The following COL25A1 variants were observed in gnomAD, a reference collection of about 807,000 sequenced individuals.
The protein encoded by COL25A1 is collagen alpha-1(XXV) chain.
In COL25A1, 103 loss-of-function variants were observed where a neutral mutation model predicts 128.4. The ratio of observed to expected loss-of-function variants is 0.80; its 90% CI spans 0.68 to 0.94. COL25A1 has a LOEUF of 0.94. COL25A1 is among the 40% of genes least tolerant of loss of function. COL25A1 has a pLI of 0.00. For synonymous variants in COL25A1, 279 were observed against 277.2 expected, an observed-to-expected ratio of 1.01 and a Z score of -0.06; for missense variants, 745 against 840.0, an observed-to-expected ratio of 0.89 and a Z score of 1.40.
rs564840932 is a variant in COL25A1, at chr4:108,975,001, T to C, written c.439-442A>G. On this transcript the variant is annotated intron_variant, in intron 6 of 37. Coordinates refer to ENST00000399132, the MANE Select transcript of COL25A1 (RefSeq NM_198721.4). ...TAAAATCATAGAGTCCGGCCTCTTT[T>C]GCTTAATTAGTATGAAATTCATCCA... Among the ~76,000 whole-genome samples the C allele has an allele frequency of 5.9e-5, 9 of 152,358 alleles. No homozygotes were observed. The East Asian group carries it at 1.7e-3, about 29-fold the overall frequency.
intron 3 of COL25A1, among the ~76,000 whole-genome samples, chr4:109,108,458 CTT>C (rs1766666998): frequency 6.6e-6 from 1 of 152,038 alleles, no homozygotes; most frequent in African/African-American, 2.4e-5. Flanking sequence ...GGTTCCAAGT[CTT>C]TGCTATTGTG....
chr4:109,005,587 A>G (rs191378593), intron 6 of COL25A1, among the ~76,000 whole-genome samples: 1 of 152,338 alleles, frequency 6.6e-6, no homozygotes, highest in East Asian at 1.9e-4. Flanking sequence ...TCCCCATAGT[A>G]TAATAGAAGT....
Position 109,085,924 on chromosome 4 carries a change from T to A in COL25A1, c.368-35745A>T, listed in dbSNP as rs549860102. On this transcript the variant is annotated intron_variant, in intron 3 of 37. Coordinates refer to ENST00000399132, the MANE Select transcript of COL25A1 (RefSeq NM_198721.4). ...TATTTTATAAGGATGAGGTAGAAGT[T>A]ACTATAAAGTTTACTAAATCCAAAG... Among the ~76,000 whole-genome samples, 29 of 152,356 alleles carry A rather than the reference T, an allele frequency of 1.9e-4. No homozygotes were observed. In the South Asian group the frequency reaches 5.8e-3, roughly 30 times the overall value.
chr4:109,146,567 T>C (rs1560768721), intron 3 of COL25A1, among the ~76,000 whole-genome samples: 3 of 152,206 alleles, frequency 2.0e-5, no homozygotes, highest in African/African-American at 4.8e-5. Context: ...AATTTGCCAA[T>C]TAGAACTTCC....
intron 6 of COL25A1, among the ~76,000 whole-genome samples, chr4:109,003,523 G>A (rs1047153113): frequency 7.2e-5 from 11 of 152,168 alleles, no homozygotes; most frequent in Non-Finnish European, 7.3e-5. Context: ...ATAAAAGGCC[G>A]GGCATGGTGG....
chr4:108,890,940 C>T (rs1384483243), intron 16 of COL25A1, among the ~76,000 whole-genome samples: 1 of 152,212 alleles, frequency 6.6e-6, no homozygotes, highest in Non-Finnish European at 1.5e-5. Flanking sequence ...GCCCCTCATG[C>T]ACACATCTTA....
In COL25A1 at chr4:108,913,261, C is replaced by CTTTTTTTTTTTTTTTTTTTT. The variant is rs201929872; in HGVS notation, c.780+4891_780+4910dup. Among the ~76,000 whole-genome samples the CTTTTTTTTTTTTTTTTTTTT allele has an allele frequency of 3.2e-5, 3 of 92,394 alleles. 1 individual carries two copies. Among genetic ancestry groups the CTTTTTTTTTTTTTTTTTTTT allele is most frequent in the East Asian group, 1.3e-3 (2 of 1,500 alleles). 60.6% of individuals were successfully genotyped at this position (92,394 alleles called of 152,430 possible). Reference sequence around the variant, plus strand: ...TTTGTGTGGTCTCTGTCTCTAGCTCCTTTTTTTTTTTTTTTTTTTTTTAAG... The same window carrying CTTTTTTTTTTTTTTTTTTTT: ...TTTGTGTGGTCTCTGTCTCTAGCTCCTTTTTTTTTTTTTTTTTTTTTTTTTTTTTTTTTTTTTTTTTTAAG... On this transcript the variant is annotated intron_variant, in intron 13 of 37. Coordinates refer to ENST00000399132, the MANE Select transcript of COL25A1 (RefSeq NM_198721.4).
chr4:108,835,607 T>G (rs1733683671), intron 31 of COL25A1, among the ~76,000 whole-genome samples: 1 of 152,088 alleles, frequency 6.6e-6, no homozygotes, highest in Non-Finnish European at 1.5e-5. Context: ...CAGGCTGAAG[T>G]GCAATGGCAC....
At chr4:109,128,583 G>A (rs1768862152) in intron 3 of COL25A1, among the ~76,000 whole-genome samples, 1 of 152,172 alleles carries the variant, frequency 6.6e-6, no homozygotes, top group Non-Finnish European at 1.5e-5. Context: ...ACATCAGGGA[G>A]TTCGGGTCTT....
At chr4:108,851,434 G>A (rs372173215) in intron 26 of COL25A1, among the ~76,000 whole-genome samples, 20 of 152,160 alleles carry the variant, frequency 1.3e-4, no homozygotes, top group Admixed American at 1.3e-4. Context: ...AAGCTGATAC[G>A]TGTGAGTGTG....
intron 3 of COL25A1, among the ~76,000 whole-genome samples, chr4:109,218,008 G>C (rs1045512481): frequency 6.6e-6 from 1 of 152,150 alleles, no homozygotes; most frequent in Non-Finnish European, 1.5e-5. Context: ...AGTGGAGCCA[G>C]GTTTGTGCTG....
intron 5 of COL25A1, among the ~76,000 whole-genome samples, chr4:109,047,537 C>T (rs144447280): frequency 3.4e-4 from 51 of 152,040 alleles, no homozygotes; most frequent in Non-Finnish European, 6.2e-4. Flanking sequence ...GTATACTGCT[C>T]AGGTGATGGG....
At chr4:109,064,380 A>G (rs1762235860) in intron 3 of COL25A1, among the ~76,000 whole-genome samples, 2 of 152,230 alleles carry the variant, frequency 1.3e-5, no homozygotes, top group Admixed American at 1.3e-4. Context: ...ATGCAAGTTT[A>G]GTTTTGTAGA....
intron 6 of COL25A1, among the ~76,000 whole-genome samples, chr4:108,993,019 T>C (rs1286760172): frequency 6.6e-6 from 1 of 152,210 alleles, no homozygotes; most frequent in East Asian, 1.9e-4. Context: ...TTACCTGACA[T>C]GGTTATCATG....
chr4:108,975,583 T>C (rs1221102751), intron 6 of COL25A1, among the ~76,000 whole-genome samples: 1 of 152,242 alleles, frequency 6.6e-6, no homozygotes, highest in Non-Finnish European at 1.5e-5. Context: ...TAGTAGATGC[T>C]GCCAAATGGT....
chr4:108,918,252 T>A (rs766488168), intron 12 of COL25A1, 36 bp from the exon 13 acceptor site: 1 of 1,431,424 alleles, frequency 7.0e-7, no homozygotes, highest in East Asian at 2.3e-5. Flanking sequence ...GTTGATATCA[T>A]ACACAAAATA....
In COL25A1 at chr4:109,146,422, AAT is replaced by A. The variant is rs1315474920; in HGVS notation, c.368-96245_368-96244del. On this transcript the variant is annotated intron_variant, in intron 3 of 37. Coordinates refer to ENST00000399132, the MANE Select transcript of COL25A1 (RefSeq NM_198721.4). ...TAGAAAGTGATGGCTTAAATGTTACAATATGTTTCTTGAATATCTTCACATTA... is the reference window on the plus strand; with the variant it reads ...TAGAAAGTGATGGCTTAAATGTTACAATGTTTCTTGAATATCTTCACATTA... 5.3e-5 allele frequency among the ~76,000 whole-genome samples: 8 copies of A among 152,358 alleles called. No individual in the cohort carries two copies. In the East Asian group the frequency reaches 1.5e-3, roughly 29 times the overall value.
intron 3 of COL25A1, among the ~76,000 whole-genome samples, chr4:109,065,980 C>T (rs1762416513): frequency 6.6e-6 from 1 of 152,170 alleles, no homozygotes; most frequent in Admixed American, 6.5e-5. Context: ...AATCCATAAC[C>T]TGGAGCTGAG....
intron 2 of COL25A1, 63 bp downstream of exon 2, chr4:109,301,660 T>G: frequency 1.3e-6 from 2 of 1,552,620 alleles, no homozygotes; most frequent in Non-Finnish European, 1.8e-6. Context: ...CGGCTAGTCA[T>G]GCACACAGAG....
Sources: allele counts gnomAD v4.1 joint callset (sites outside exome capture counted in the v4.1 genomes callset), GRCh38; gene constraint gnomAD v4.1.1; transcripts MANE v1.5; gene names NCBI Gene and HGNC (gene_info 2026-07-23, HGNC 2026-07-21).